SETD7: variants seen among roughly 807,000 people sequenced by gnomAD.
The protein encoded by SETD7 is histone-lysine N-methyltransferase SETD7.
A neutral mutation model predicts 41.8 loss-of-function variants in SETD7; 16 were observed. That is an observed-to-expected ratio of 0.38 (90% CI 0.26 to 0.58). The LOEUF is 0.58. SETD7 is among the 20% of genes least tolerant of loss of function. The pLI is 0.64. For synonymous variants in SETD7, 163 were observed against 169.7 expected, an observed-to-expected ratio of 0.96 and a Z score of 0.31; for missense variants, 346 against 459.7, an observed-to-expected ratio of 0.75 and a Z score of 2.26.
At chr4:139,514,099 A>G (rs922982449) in intron 7 of SETD7, among the ~76,000 whole-genome samples, 2 of 152,218 alleles carry the variant, frequency 1.3e-5, no homozygotes, top group Non-Finnish European at 2.9e-5. Flanking sequence ...CCTGGGCAAC[A>G]TGGTGAAACC....
chr4:139,524,827 T>A (rs574500737), intron 4 of SETD7, among the ~76,000 whole-genome samples: 5 of 152,268 alleles, frequency 3.3e-5, no homozygotes, highest in African/African-American at 9.6e-5. Context: ...CCCCACTTTT[T>A]TTTTCTTTTG....
At chr4:139,526,050 GT>G (rs950181781) in intron 4 of SETD7, among the ~76,000 whole-genome samples, 3 of 44,240 alleles carry the variant, frequency 6.8e-5, no homozygotes, top group Non-Finnish European at 2.1e-4. Flanking sequence ...GTTTGTTTTT[GT>G]TTGTTTGTTT....
chr4:139,533,266 G>C lies in SETD7; in HGVS notation c.271C>G (p.Leu91Val). ...TCATATTCCTGGGCTGGACCGTTCA[G>C]CTCTCCGTCTACATACGTGCCCTGG... Reference protein sequence around the residue: ...VLQGTYVDGELNGPAQEYDTD... With the variant: ...VLQGTYVDGEVNGPAQEYDTD... Residue 91 changes from leucine to valine, a missense_variant, in exon 3 of 8, where the codon CTG (leucine) becomes GTG (valine). Leu to Val is a conservative substitution (Grantham distance 32). Around this residue, in one of 3 missense-constraint regions of SETD7, gnomAD observed 266 missense variants for 377.0 expected, o/e 0.71. Coordinates refer to ENST00000274031, the MANE Select transcript of SETD7 (RefSeq NM_030648.4). 1 of 1,614,130 alleles carries C rather than the reference G, an allele frequency of 6.2e-7. No individual in the cohort carries two copies. The highest frequency in any genetic ancestry group is 8.5e-7 in the Non-Finnish European group (1 of 1,179,990).
chr4:139,530,398 A>T (rs1374497), intron 3 of SETD7, among the ~76,000 whole-genome samples: 90,456 of 147,162 alleles, frequency 0.61, 28,362 homozygotes, highest in Admixed American at 0.72. Context: ...AAAGGGATGT[A>T]AATTTAAAAA....
intron 2 of SETD7, among the ~76,000 whole-genome samples, chr4:139,537,272 G>A (rs1337792134): frequency 2.0e-5 from 3 of 152,176 alleles, no homozygotes; most frequent in Non-Finnish European, 4.4e-5. Context: ...ACCGCGCCTG[G>A]CTGCACCACT....
rs978137282 is a variant in SETD7, at chr4:139,509,610, C to A, written c.*2053G>T. The A allele has an allele frequency of 1.6e-5, 12 of 752,652 alleles. No homozygotes were observed. The highest frequency in any genetic ancestry group is 6.3e-5 in the Admixed American group (1 of 15,982). The allele number at this position is 752,652 out of a possible 1,614,324, so 46.6% of individuals were successfully genotyped here. A position where few individuals can be genotyped will look rare whatever the true frequency, so the allele number is the denominator to read the frequency against. ...CTGACCGTATTCCCTGACCTGGCTG[C>A]ACAACCCACTTGATCGAGGTTAATG... On this transcript the variant is annotated 3_prime_UTR_variant, in exon 8 of 8. Coordinates refer to ENST00000274031, the MANE Select transcript of SETD7 (RefSeq NM_030648.4).
chr4:139,516,567 C>T lies in SETD7; in HGVS notation c.920+1318G>A, dbSNP rs559228951. Among the ~76,000 whole-genome samples, 6 of 151,456 alleles carry T rather than the reference C, an allele frequency of 4.0e-5. No homozygotes were observed. The East Asian group carries it at 9.7e-4, about 25-fold the overall frequency. On this transcript the variant is annotated intron_variant, in intron 7 of 7. Coordinates refer to ENST00000274031, the MANE Select transcript of SETD7 (RefSeq NM_030648.4). ...TATTTCATTTGTCTATTTGTCTGGA[C>T]CTTTGTGGATAATGTAAGCTCCACA...
Position 139,556,182 on chromosome 4 carries a change from C to T in SETD7, c.-45G>A. 6.4e-7 allele frequency: 1 copy of T among 1,570,682 alleles called. No individual in the cohort carries two copies. The highest frequency in any genetic ancestry group is 1.4e-5 in the African/African-American group (1 of 72,976). On this transcript the variant is annotated 5_prime_UTR_variant, in exon 1 of 8. Coordinates refer to ENST00000274031, the MANE Select transcript of SETD7 (RefSeq NM_030648.4). Reference sequence around the variant, plus strand: ...CAGCTCGGGGCTGCGCGGCTGCCTCCCGTCCCTCTGGGTGCTCCCGGCGGC... The same window carrying T: ...CAGCTCGGGGCTGCGCGGCTGCCTCTCGTCCCTCTGGGTGCTCCCGGCGGC...
intron 1 of SETD7, 76 bp from the exon 2 acceptor site, chr4:139,547,125 C>G: frequency 2.6e-6 from 4 of 1,549,938 alleles, no homozygotes; most frequent in South Asian, 2.4e-5. Flanking sequence ...CATTCAGATG[C>G]TGCCAGACAA....
rs1728278129 is a variant in SETD7 at position 139,556,184 on chromosome 4, G to A, written c.-47C>T. 1.3e-6 allele frequency: 2 copies of A among 1,561,720 alleles called. No homozygotes were observed. Among genetic ancestry groups the A allele is most frequent in the Non-Finnish European group, 1.7e-6 (2 of 1,153,736 alleles). On this transcript the variant is annotated 5_prime_UTR_variant, in exon 1 of 8. It adds an upstream start codon to the 5' untranslated region. Coordinates refer to ENST00000274031, the MANE Select transcript of SETD7 (RefSeq NM_030648.4). ...GCTCGGGGCTGCGCGGCTGCCTCCC[G>A]TCCCTCTGGGTGCTCCCGGCGGCTG... is the stretch of plus-strand genomic sequence containing the variant.
chr4:139,512,673 G>A (rs1044413981), intron 7 of SETD7, among the ~76,000 whole-genome samples: 2 of 151,782 alleles, frequency 1.3e-5, no homozygotes, highest in African/African-American at 4.8e-5. Flanking sequence ...GTAAGGCATG[G>A]CCAGAAGAAA....
In SETD7 at chr4:139,523,534, A is replaced by G. The variant is rs1727239031; in HGVS notation, c.563-99T>C. The G allele has an allele frequency of 9.2e-6, 7 of 757,128 alleles. No homozygotes were observed. The South Asian group carries it at 1.4e-4, about 15-fold the overall frequency. The allele number at this position is 757,128 out of a possible 1,614,324, so 46.9% of individuals were successfully genotyped here. On this transcript the variant is annotated intron_variant, in intron 4 of 7. Coordinates refer to ENST00000274031, the MANE Select transcript of SETD7 (RefSeq NM_030648.4). Reference sequence around the variant, plus strand: ...TGGGACAACGAAGAGTTAAAAAACCAAAAATCTTAATCAAGTTATACCAAC... The same window carrying G: ...TGGGACAACGAAGAGTTAAAAAACCGAAAATCTTAATCAAGTTATACCAAC...
intron 1 of SETD7, among the ~76,000 whole-genome samples, chr4:139,552,748 A>C (rs1301836896): frequency 6.6e-6 from 1 of 151,974 alleles, no homozygotes; most frequent in African/African-American, 2.4e-5. Context: ...TCTCAACCTG[A>C]CTCAGCTCTA....
At chr4:139,517,389 C>T (rs1282584803) in intron 7 of SETD7, among the ~76,000 whole-genome samples, 2 of 149,400 alleles carry the variant, frequency 1.3e-5, no homozygotes, top group Non-Finnish European at 1.5e-5. Context: ...GCAGGAGAAT[C>T]GCTTGAACCT....
rs1203657561 is a variant in SETD7 at position 139,533,330 on chromosome 4, C to T, written c.207G>A (p.Gln69=). The change falls in exon 3 of 8, where the codon CAG becomes CAA. Residue 69 remains glutamine, a synonymous_variant. Coordinates refer to ENST00000274031, the MANE Select transcript of SETD7 (RefSeq NM_030648.4). ...LEGYYVDDAL[Q]GQGVYTYEDG... is the part of the protein sequence containing the mutation. Reference sequence around the variant, plus strand: ...CTTCGTAAGTGTAAACTCCCTGGCCCTGCAAGGCATCATCCACATAATACC... The same window carrying T: ...CTTCGTAAGTGTAAACTCCCTGGCCTTGCAAGGCATCATCCACATAATACC... 6.2e-7 allele frequency: 1 copy of T among 1,614,134 alleles called. No individual in the cohort carries two copies.
At chr4:139,523,052 C>A (rs1727227092) in intron 5 of SETD7, among the ~76,000 whole-genome samples, 1 of 152,132 alleles carries the variant, frequency 6.6e-6, no homozygotes, top group Non-Finnish European at 1.5e-5. Flanking sequence ...CCATGCCTGG[C>A]CTCAACTGCT....
At chr4:139,537,259 G>A (rs1462594554) in intron 2 of SETD7, among the ~76,000 whole-genome samples, 1 of 152,182 alleles carries the variant, frequency 6.6e-6, no homozygotes, top group Non-Finnish European at 1.5e-5. Flanking sequence ...ACAGGTGTGA[G>A]CCACCGCGCC....
downstream of SETD7, among the ~76,000 whole-genome samples, chr4:139,492,993 CTTTTA>C (rs143584898): frequency 5.6e-3 from 846 of 152,256 alleles, 3 homozygotes; most frequent in Non-Finnish European, 9.2e-3. Context: ...AAAGTTCATT[CTTTTA>C]TTTTATAAAT....
At chr4:139,531,635 T>C (rs992212671) in intron 3 of SETD7, among the ~76,000 whole-genome samples, 3 of 152,266 alleles carry the variant, frequency 2.0e-5, no homozygotes, top group Admixed American at 1.3e-4. Context: ...TCTTAGAAAA[T>C]GTTTTACAAC....
Sources: allele counts gnomAD v4.1 joint callset (sites outside exome capture counted in the v4.1 genomes callset), GRCh38; gene constraint gnomAD v4.1.1; regional missense constraint gnomAD v4.1.1; transcripts MANE v1.5; gene names NCBI Gene and HGNC (gene_info 2026-07-23, HGNC 2026-07-21).